The following STK32B variants were observed in gnomAD, a reference collection of about 807,000 sequenced individuals.
STK32B encodes the protein serine/threonine kinase 32B.
In STK32B, 43 loss-of-function variants were observed where a neutral mutation model predicts 52.6. The observed-to-expected ratio is 0.82, with a 90% CI of 0.64 to 1.05. STK32B has a LOEUF of 1.05. STK32B is among the 50% of genes least tolerant of loss of function. The pLI is 0.00. For synonymous variants in STK32B, 238 were observed against 204.3 expected (o/e 1.17, Z -1.41); for missense variants, 621 against 534.6 (o/e 1.16, Z -1.59).
chr4:5,060,155 A>G (rs1463011023), intron 1 of STK32B, among the ~76,000 whole-genome samples: 2 of 152,170 alleles, frequency 1.3e-5, no homozygotes, highest in East Asian at 3.9e-4. Context: ...TAGTGGAGAC[A>G]GAGTTTTTCC....
intron 6 of STK32B, chr4:5,437,800 CA>C (rs1199728300): frequency 1.9e-6 from 1 of 524,308 alleles, no homozygotes; most frequent in African/African-American, 2.1e-5. Flanking sequence ...ATATGTGGTT[CA>C]CACCTGTCCT....
Position 5,317,175 on chromosome 4 carries a change from ATAAT to A in STK32B, c.261-14044_261-14041del, listed in dbSNP as rs1428593947. Among the ~76,000 whole-genome samples, 15 of 55,098 alleles carry A rather than the reference ATAAT, an allele frequency of 2.7e-4. 2 individuals carry two copies. Among genetic ancestry groups the A allele is most frequent in the African/African-American group, 2.5e-3 (14 of 5,584 alleles). 36.1% of individuals were successfully genotyped at this position (55,098 alleles called of 152,430 possible). Reference sequence around the variant, plus strand: ...TATACATATTACATATATATAACATATAATATATATATATAACATATATATATTA... The same window carrying A: ...TATACATATTACATATATATAACATAATATATATATAACATATATATATTA... On this transcript the variant is annotated intron_variant, in intron 3 of 11. Coordinates refer to ENST00000282908, the MANE Select transcript of STK32B (RefSeq NM_018401.3).
intron 3 of STK32B, among the ~76,000 whole-genome samples, chr4:5,193,345 C>T (rs1721382851): frequency 6.6e-6 from 1 of 152,278 alleles, no homozygotes; most frequent in East Asian, 1.9e-4. Flanking sequence ...AAGGGAATGC[C>T]GTGAACCGGT....
chr4:5,263,475 T>A (rs1230547179), intron 3 of STK32B, among the ~76,000 whole-genome samples: 2 of 152,146 alleles, frequency 1.3e-5, no homozygotes, highest in Admixed American at 6.5e-5. Flanking sequence ...ATCTCTGTAG[T>A]GAAATGCAGA....
intron 3 of STK32B, among the ~76,000 whole-genome samples, chr4:5,239,492 C>A (rs995769842): frequency 3.3e-5 from 5 of 152,070 alleles, no homozygotes; most frequent in African/African-American, 1.2e-4. Flanking sequence ...AGCAGTGTGG[C>A]TACAGTGAGG....
At chr4:5,019,745 G>A in the STK32B span, among the ~76,000 whole-genome samples, 1 of 152,278 alleles carries the variant, frequency 6.6e-6, no homozygotes, top group Non-Finnish European at 1.5e-5. Context: ...TGAAAAGGCA[G>A]GAACAGCAGA....
At chr4:5,427,893 T>C (rs1713232466) in intron 6 of STK32B, among the ~76,000 whole-genome samples, 3 of 151,708 alleles carry the variant, frequency 2.0e-5, no homozygotes, top group African/African-American at 7.3e-5. Context: ...TATTTTTTAT[T>C]TTAATTTCTT....
chr4:5,109,330 AT>A lies in STK32B; in HGVS notation c.53-30571del, dbSNP rs551907686. On this transcript the variant is annotated intron_variant, in intron 1 of 11. Coordinates refer to ENST00000282908, the MANE Select transcript of STK32B (RefSeq NM_018401.3). The stretch of plus-strand genomic sequence containing the variant: ...TTCATCCAATATTTATTGAACAACT[AT>A]TTTATGATAGTCACAAAGGACACAC... Among the ~76,000 whole-genome samples, 5 of 152,364 alleles carry A rather than the reference AT, an allele frequency of 3.3e-5. No individual in the cohort carries two copies. The South Asian group carries it at 1.0e-3, about 32-fold the overall frequency.
At chr4:5,214,946 G>C (rs1027424358) in intron 3 of STK32B, among the ~76,000 whole-genome samples, 2 of 152,084 alleles carry the variant, frequency 1.3e-5, no homozygotes, top group Non-Finnish European at 2.9e-5. Flanking sequence ...ATTTTACGTA[G>C]GTATTTTCTT....
chr4:5,096,850 G>T (rs2108789026), intron 1 of STK32B, among the ~76,000 whole-genome samples: 1 of 152,288 alleles, frequency 6.6e-6, no homozygotes, highest in South Asian at 2.1e-4. Flanking sequence ...GATTTCCATG[G>T]TGTTGGCCAT....
rs752434847 is a variant in STK32B at position 5,398,161 on chromosome 4, G to T, written c.435-46G>T. On this transcript the variant is annotated intron_variant, in intron 4 of 11. Coordinates refer to ENST00000282908, the MANE Select transcript of STK32B (RefSeq NM_018401.3). This position sits in a 1 kb window ranked among gnomAD's most constrained non-coding sequence, Gnocchi z 4.9. ...GTGGTGCTTGTCTATGTGCTCATCT[G>T]TGGGCTCAGGAACCACATTGCCAGC... The T allele has an allele frequency of 6.2e-7, 1 of 1,611,078 alleles. No individual in the cohort carries two copies. Among genetic ancestry groups the T allele is most frequent in the Non-Finnish European group, 8.5e-7 (1 of 1,178,292 alleles).
At chr4:5,056,480 G>A (rs966586609) in intron 1 of STK32B, among the ~76,000 whole-genome samples, 4 of 152,208 alleles carry the variant, frequency 2.6e-5, no homozygotes, top group African/African-American at 7.2e-5. Flanking sequence ...ATGAATGAAG[G>A]TGTCAATCTC....
At chr4:5,421,427 G>A (rs368475176) in intron 6 of STK32B, among the ~76,000 whole-genome samples, 6 of 151,958 alleles carry the variant, frequency 3.9e-5, no homozygotes, top group Non-Finnish European at 5.9e-5. Context: ...GTTTTACCAC[G>A]TTGGCCAGGC....
Position 5,105,383 on chromosome 4 carries a change from G to C in STK32B, c.53-34522G>C, listed in dbSNP as rs150292168. Among the ~76,000 whole-genome samples the C allele has an allele frequency of 5.3e-5, 8 of 152,226 alleles. No homozygotes were observed. The East Asian group carries it at 1.5e-3, about 29-fold the overall frequency. On this transcript the variant is annotated intron_variant, in intron 1 of 11. Transcript: ENST00000282908. Reference sequence around the variant, plus strand: ...CTTTTTATATGATTATTTGCATTTAGATATCCTCTTTAGCGAAATACCTAT... The same window carrying C: ...CTTTTTATATGATTATTTGCATTTACATATCCTCTTTAGCGAAATACCTAT...
intron 3 of STK32B, among the ~76,000 whole-genome samples, chr4:5,280,310 C>T (rs1014742991): frequency 1.3e-5 from 2 of 152,142 alleles, no homozygotes; most frequent in African/African-American, 4.8e-5. Flanking sequence ...CTCCAGTTCC[C>T]AGTAAGTTCC....
rs10050246 is a variant in STK32B, at chr4:5,398,556, G to C, written c.472+312G>C. ...AACCCCAACTCCCTCACCTATGAAC[G>C]TGTGGCTTCAGAAGTCACCCACCTC... On this transcript the variant is annotated intron_variant, in intron 5 of 11. Coordinates refer to ENST00000282908, the MANE Select transcript of STK32B (RefSeq NM_018401.3). This position sits in a 1 kb window ranked among gnomAD's most constrained non-coding sequence, Gnocchi z 4.9. Among the ~76,000 whole-genome samples the C allele has an allele frequency of 6.6e-6, 1 of 152,152 alleles. No individual in the cohort carries two copies. Among genetic ancestry groups the C allele is most frequent in the South Asian group, 2.1e-4 (1 of 4,830 alleles).
chr4:5,343,393 T>C (rs901118285), intron 4 of STK32B, among the ~76,000 whole-genome samples: 36 of 152,184 alleles, frequency 2.4e-4, no homozygotes, highest in Non-Finnish European at 3.4e-4. Context: ...CTATTGTGAA[T>C]AGTGCCGCAG....
chr4:5,462,521 C>T (rs932061463), intron 9 of STK32B, among the ~76,000 whole-genome samples: 3 of 152,128 alleles, frequency 2.0e-5, no homozygotes, highest in Non-Finnish European at 4.4e-5. Flanking sequence ...ATTCCGCTGG[C>T]CAATGAGAAA....
chr4:5,361,048 G>C (rs749528593), intron 4 of STK32B, among the ~76,000 whole-genome samples: 34 of 152,140 alleles, frequency 2.2e-4, no homozygotes, highest in Non-Finnish European at 4.3e-4. Flanking sequence ...TGGGTACTAG[G>C]TACTTCATAT....
Sources: allele counts gnomAD v4.1 joint callset (sites outside exome capture counted in the v4.1 genomes callset), GRCh38; gene constraint gnomAD v4.1.1; non-coding constraint Gnocchi (gnomAD v3.1); transcripts MANE v1.5; gene names NCBI Gene and HGNC (gene_info 2026-07-23, HGNC 2026-07-21).